Variants in FAT4 observed in about 807,000 individuals in gnomAD.
The protein encoded by FAT4 is FAT atypical cadherin 4, also known as protocadherin Fat 4.
A neutral mutation model predicts 303.9 loss-of-function variants in FAT4; 84 were observed. That is an observed-to-expected ratio of 0.28 (90% confidence interval 0.23 to 0.33). FAT4 has a LOEUF of 0.33. FAT4 is among the 10% of genes least tolerant of loss of function. The pLI is 1.00. For missense variants in FAT4, 6,005 were observed against 6,146.8 expected, an observed-to-expected ratio of 0.98 and a Z score of 0.77; for synonymous variants, 2,307 against 2,298.8, an observed-to-expected ratio of 1.00 and a Z score of -0.10.
intron 2 of FAT4, among the ~76,000 whole-genome samples, chr4:125,324,958 C>T (rs919335491): frequency 3.3e-5 from 5 of 151,968 alleles, no homozygotes; most frequent in African/African-American, 9.7e-5. Flanking sequence ...TACATCTTTA[C>T]AAATCTCTTT....
chr4:125,337,650 C>G (rs897947933), intron 2 of FAT4, among the ~76,000 whole-genome samples: 2 of 151,930 alleles, frequency 1.3e-5, no homozygotes, highest in African/African-American at 4.8e-5. Flanking sequence ...TGTTAAAACA[C>G]TTATGTAAAC....
chr4:125,394,215 T>C (rs2126009160), intron 2 of FAT4, among the ~76,000 whole-genome samples: 1 of 152,326 alleles, frequency 6.6e-6, no homozygotes, highest in Middle Eastern at 3.4e-3. Flanking sequence ...CTTAAGTTGT[T>C]CTGAACTTCA....
chr4:125,455,575 C>T (rs1371813022), intron 10 of FAT4, among the ~76,000 whole-genome samples: 7 of 152,170 alleles, frequency 4.6e-5, no homozygotes, highest in East Asian at 1.9e-4. Context: ...ATTAAGTCTT[C>T]GAGTCATTAA....
rs766944726 is a variant in FAT4 at position 125,449,783 on chromosome 4, A to C, written c.8773A>C (p.Thr2925Pro). 1.9e-6 allele frequency: 3 copies of C among 1,613,770 alleles called. No homozygotes were observed. The South Asian group carries it at 3.3e-5, about 18-fold the overall frequency. Residue 2925 changes from threonine (T) to proline (P), a missense_variant, in exon 10 of 18, where the codon ACC becomes CCC. Physicochemically the swap from Thr to Pro is conservative, Grantham distance 38 (BLOSUM62 -1). Coordinates refer to ENST00000394329, the MANE Select transcript of FAT4 (RefSeq NM_001291303.3). Reference protein sequence around the residue: ...SQSEYFRINATTGEIFNKQIL... With the variant: ...SQSEYFRINAPTGEIFNKQIL... ...ATCAGAATATTTCAGGATTAATGCC[A>C]CCACTGGAGAGATTTTCAATAAACA...
intron 10 of FAT4, among the ~76,000 whole-genome samples, chr4:125,455,100 C>A (rs545807269): frequency 6.6e-6 from 1 of 152,264 alleles, no homozygotes; most frequent in Admixed American, 6.5e-5. Flanking sequence ...TACCCATCCC[C>A]AAAATTACTT....
chr4:125,367,034 T>C (rs1352437944), intron 2 of FAT4, among the ~76,000 whole-genome samples: 2 of 152,132 alleles, frequency 1.3e-5, no homozygotes, highest in African/African-American at 2.4e-5. Flanking sequence ...CAAATTTTTT[T>C]TGCATTCTGT....
At chr4:125,432,631 A>G (rs745582824) in intron 7 of FAT4, among the ~76,000 whole-genome samples, 3 of 151,894 alleles carry the variant, frequency 2.0e-5, no homozygotes, top group South Asian at 4.1e-4. Context: ...TTTTTAGTTT[A>G]TAGTTCATTA....
At chr4:125,425,309 A>G (rs531389495) in intron 7 of FAT4, among the ~76,000 whole-genome samples, 5 of 152,172 alleles carry the variant, frequency 3.3e-5, no homozygotes, top group South Asian at 2.1e-4. Context: ...GTCAGTGACT[A>G]CAGGATTTGA....
At position 125,320,877 on chromosome 4, in the gene FAT4, C is replaced by T; in HGVS notation, c.4466C>T (p.Ala1489Val). ...AATGCTGAAATAGATCGGGAATTTG[C>T]TAATCTCTTTGAGTTGACTGTAAAA... is the stretch of plus-strand genomic sequence containing the variant. ...YTNAEIDREF[A>V]NLFELTVKAN... Residue 1489 changes from alanine to valine, a missense_variant, in exon 2 of 18, where the codon GCT becomes GTT. Transcript: ENST00000394329. 6.2e-7 allele frequency: 1 copy of T among 1,614,160 alleles called. No individual in the cohort carries two copies.
chr4:125,431,604 G>C lies in FAT4; in HGVS notation c.7019-2641G>C, dbSNP rs148248040. On this transcript the variant is annotated intron_variant, in intron 7 of 17. Coordinates refer to ENST00000394329, the MANE Select transcript of FAT4 (RefSeq NM_001291303.3). ...TAGAATATAATTTATGTGCTAGGTA[G>C]TGTCCTAAGCACATTACATTTTTCT... Among the ~76,000 whole-genome samples the C allele has an allele frequency of 3.4e-3, 525 of 152,294 alleles. 3 individuals carry two copies. The highest frequency in any genetic ancestry group is 0.012 in the African/African-American group (501 of 41,548).
In FAT4 at chr4:125,318,053, A is replaced by G. The variant is rs1373319772; in HGVS notation, c.1642A>G (p.Ile548Val). The change falls in exon 2 of 18, where the codon ATT (isoleucine) becomes GTT (valine). Residue 548 changes from isoleucine (I) to valine (V), a missense_variant. Ile to Val is a conservative substitution (Grantham distance 29, BLOSUM62 3). Transcript: ENST00000394329. The stretch of plus-strand genomic sequence containing the variant: ...CCTGGACCGTGAACTTGCTTCCCAG[A>G]TTGTTCTGAATATAAGTGCCCGGGA... ...GGLDRELASQIVLNISARDQG... is the reference protein window; with the variant it reads ...GGLDRELASQVVLNISARDQG... 9.9e-6 allele frequency: 16 copies of G among 1,613,970 alleles called. No homozygotes were observed. Among genetic ancestry groups the G allele is most frequent in the Middle Eastern group, 3.3e-4 (2 of 6,084 alleles).
intron 2 of FAT4, among the ~76,000 whole-genome samples, chr4:125,386,466 C>T (rs1200951263): frequency 6.6e-6 from 1 of 152,070 alleles, no homozygotes; most frequent in Admixed American, 6.6e-5. Flanking sequence ...GACAGGGTTT[C>T]ATCATGTTGG....
chr4:125,379,483 G>A (rs1319796978), intron 2 of FAT4, among the ~76,000 whole-genome samples: 1 of 151,408 alleles, frequency 6.6e-6, no homozygotes, highest in Non-Finnish European at 1.5e-5. Context: ...TTTTTGAGAT[G>A]GAGTCTTGCT....
Position 125,315,078 on chromosome 4 carries a change from A to ATG in FAT4, c.-899_-898dup, listed in dbSNP as rs375668886. On this transcript the variant is annotated 5_prime_UTR_variant, in exon 1 of 18. An upstream open reading frame in the 5' UTR gains an earlier in-frame stop. Transcript: ENST00000394329. ...GCTGTGTGTGTGTGTGTGCGTGTGTATGTGTGTGTGTGTGCATGCCTGTGC... is the reference window on the plus strand; with the variant it reads ...GCTGTGTGTGTGTGTGTGCGTGTGTATGTGTGTGTGTGTGTGCATGCCTGTGC... 2.7e-3 allele frequency among the ~76,000 whole-genome samples: 410 copies of ATG among 150,198 alleles called. 1 individual carries two copies. The highest frequency in any genetic ancestry group is 8.7e-3 in the African/African-American group (357 of 40,976).
intron 4 of FAT4, 70 bp downstream of exon 4, chr4:125,407,211 G>A (rs879097869): frequency 7.2e-6 from 10 of 1,388,092 alleles, no homozygotes; most frequent in East Asian, 2.3e-5. Context: ...ACTATGTTTC[G>A]GCTGCTCTTA....
Position 125,415,173 on chromosome 4 carries a change from C to G in FAT4, c.6210C>G (p.Phe2070Leu). Residue 2070 changes from phenylalanine (F) to leucine (L), a missense_variant, in exon 6 of 18, where the codon TTC (phenylalanine) becomes TTG (leucine). Physicochemically the swap from Phe to Leu is conservative, Grantham distance 22. Coordinates refer to ENST00000394329, the MANE Select transcript of FAT4 (RefSeq NM_001291303.3). ...ATACACCTATTGATACTGTTGTTTT[C>G]AAAGCTCAAGCAACTGACCCAGATA... Reference protein sequence around the residue: ...PENTPIDTVVFKAQATDPDSG... With the variant: ...PENTPIDTVVLKAQATDPDSG... The G allele has an allele frequency of 6.2e-7, 1 of 1,614,046 alleles. No individual in the cohort carries two copies.
rs1426416307 is a variant in FAT4 at position 125,448,597 on chromosome 4, A to T, written c.7587A>T (p.Pro2529=). 2 of 1,613,992 alleles carry T rather than the reference A, an allele frequency of 1.2e-6. No individual in the cohort carries two copies. The highest frequency in any genetic ancestry group is 1.7e-6 in the Non-Finnish European group (2 of 1,179,920). The change falls in exon 10 of 18, where the codon CCA becomes CCT. Residue 2529 remains proline, a synonymous_variant. Coordinates refer to ENST00000394329, the MANE Select transcript of FAT4 (RefSeq NM_001291303.3). ...PLRGAIMAAG[P]LNGASEVTFS... ...GGGGAGCCATTATGGCCGCCGGACCACTAAACGGAGCTTCAGAAGTGACAT... is the reference window on the plus strand; with the variant it reads ...GGGGAGCCATTATGGCCGCCGGACCTCTAAACGGAGCTTCAGAAGTGACAT...
intron 17 of FAT4, among the ~76,000 whole-genome samples, chr4:125,488,323 A>G (rs542728836): frequency 1.3e-5 from 2 of 152,334 alleles, no homozygotes; most frequent in South Asian, 4.1e-4. Context: ...TTTACAGAGC[A>G]ATGGGAAGTA....
rs114652326 is a variant in FAT4 at position 125,320,179 on chromosome 4, A to G, written c.3768A>G (p.Arg1256=). The G allele has an allele frequency of 7.4e-5, 120 of 1,613,894 alleles. No homozygotes were observed. The African/African-American group carries it at 1.4e-3, about 19-fold the overall frequency. Residue 1256 remains arginine (R), a synonymous_variant, in exon 2 of 18, where the codon AGA becomes AGG. Transcript: ENST00000394329. The part of the protein sequence containing the change: ...HYSIIKGNEE[R]QFAIDSTSGQ... The stretch of plus-strand genomic sequence containing the variant: ...CTATAATAAAAGGAAATGAAGAAAG[A>G]CAGTTTGCTATAGACAGTACCTCTG...
Sources: allele counts gnomAD v4.1 joint callset (sites outside exome capture counted in the v4.1 genomes callset), GRCh38; gene constraint gnomAD v4.1.1; transcripts MANE v1.5; gene names NCBI Gene and HGNC (gene_info 2026-07-23, HGNC 2026-07-21).